Variants in KIF20B observed in about 807,000 individuals in gnomAD.
KIF20B encodes the protein kinesin-like protein KIF20B.
Under a neutral mutation model 232.5 loss-of-function variants are expected in KIF20B, and 188 were observed. The observed-to-expected ratio is 0.81, with a 90% CI of 0.72 to 0.91. The LOEUF (loss-of-function observed/expected upper bound fraction) is 0.91. Among genes scored for constraint, KIF20B ranks in the 40% least tolerant of loss-of-function variants. KIF20B has a pLI of 0.00. For synonymous variants in KIF20B, 712 were observed against 683.0 expected, an observed-to-expected ratio of 1.04 and a Z score of -0.66; for missense variants, 2,154 against 2,055.9, an observed-to-expected ratio of 1.05 and a Z score of -0.92.
intron 26 of KIF20B, 106 bp from the exon 27 acceptor site, chr10:89,758,600 C>A: frequency 1.5e-6 from 1 of 655,724 alleles, no homozygotes; most frequent in Non-Finnish European, 2.3e-6. Flanking sequence ...GTCTTGTAAT[C>A]TTGTTTGCAG....
At chr10:89,718,469 C>T (rs904562574) in intron 11 of KIF20B, among the ~76,000 whole-genome samples, 1 of 152,174 alleles carries the variant, frequency 6.6e-6, no homozygotes, top group Non-Finnish European at 1.5e-5. Flanking sequence ...TCTGATTGTG[C>T]CACTGTACTC....
At chr10:89,717,347 G>T in intron 9 of KIF20B, 77 bp from the exon 10 acceptor site, 1 of 884,366 alleles carries the variant, frequency 1.1e-6, no homozygotes, top group South Asian at 1.6e-5. Flanking sequence ...AAATAAGATT[G>T]ATTTGAATAC....
chr10:89,747,557 T>G (rs1841940073), intron 23 of KIF20B, among the ~76,000 whole-genome samples: 1 of 150,654 alleles, frequency 6.6e-6, no homozygotes, highest in African/African-American at 2.4e-5. Context: ...TACACAGCCA[T>G]AAAAAATGAT....
In KIF20B at chr10:89,730,012, T is replaced by C. The variant is rs115291264; in HGVS notation, c.2391+765T>C. Among the ~76,000 whole-genome samples, 456 of 152,268 alleles carry C rather than the reference T, an allele frequency of 3.0e-3. 3 individuals are homozygous for C. The highest frequency in any genetic ancestry group is 0.01 in the African/African-American group (427 of 41,554). On this transcript the variant is annotated intron_variant, in intron 18 of 32. Coordinates refer to ENST00000371728, the MANE Select transcript of KIF20B (RefSeq NM_001284259.2). ...CAAAAGAAGCAGGCGTGGTATCTTA[T>C]AAAAAGTGACTGTTGAGTTTCCTTT...
At chr10:89,732,242 T>G (rs908651634) in intron 18 of KIF20B, among the ~76,000 whole-genome samples, 2 of 152,126 alleles carry the variant, frequency 1.3e-5, no homozygotes, top group African/African-American at 4.8e-5. Context: ...TCCCATTGCC[T>G]TAGCCTTCCG....
At chr10:89,702,086 ATAT>A (rs1384490106) in intron 1 of KIF20B, among the ~76,000 whole-genome samples, 3 of 152,152 alleles carry the variant, frequency 2.0e-5, no homozygotes, top group Non-Finnish European at 2.9e-5. Context: ...GCAGTTATTA[ATAT>A]TATTATTGTT....
intron 28 of KIF20B, among the ~76,000 whole-genome samples, 153 bp downstream of exon 28, chr10:89,760,789 G>T (rs943029553): frequency 6.6e-6 from 1 of 152,134 alleles, no homozygotes; most frequent in African/African-American, 2.4e-5. Context: ...TTGAGGAGAG[G>T]TGAAATTCTT....
intron 26 of KIF20B, among the ~76,000 whole-genome samples, chr10:89,755,375 T>TTTCC (rs538438563): frequency 3.3e-5 from 5 of 150,920 alleles, no homozygotes; most frequent in African/African-American, 9.7e-5. Context: ...TCCTTCCTTC[T>TTTCC]TTCCTTCCTT....
intron 18 of KIF20B, among the ~76,000 whole-genome samples, chr10:89,730,204 T>G (rs577194827): frequency 1.3e-5 from 2 of 152,292 alleles, no homozygotes; most frequent in South Asian, 4.1e-4. Flanking sequence ...ACATGATTCA[T>G]TCTCTGGTTT....
At chr10:89,755,280 C>G (rs1456637849) in intron 26 of KIF20B, among the ~76,000 whole-genome samples, 2 of 152,182 alleles carry the variant, frequency 1.3e-5, no homozygotes, top group East Asian at 3.8e-4. Context: ...TTCGCAGTAT[C>G]ATATTGTCAT....
chr10:89,718,858 G>A lies in KIF20B; in HGVS notation c.1420G>A (p.Ala474Thr), dbSNP rs1050818241. Residue 474 changes from alanine to threonine, a missense_variant, in exon 12 of 33, where the codon GCC becomes ACC. By Grantham distance (58) the Ala-to-Thr change is moderately conservative. Transcript: ENST00000371728. ...AACACTCAATGTATTGAAGTTCTCC[G>A]CCATTGCACAAAAAGTAAATATTTA... ...DETLNVLKFS[A>T]IAQKVCVPDT... 2.3e-5 allele frequency: 35 copies of A among 1,545,404 alleles called. No individual in the cohort carries two copies. Among genetic ancestry groups the A allele is most frequent in the Admixed American group, 1.7e-4 (8 of 46,598 alleles).
intron 6 of KIF20B, among the ~76,000 whole-genome samples, chr10:89,712,793 A>G (rs1188368854): frequency 6.6e-6 from 1 of 152,172 alleles, no homozygotes; most frequent in African/African-American, 2.4e-5. Context: ...ATTTTGTAGT[A>G]TATTTTCAGA....
intron 1 of KIF20B, among the ~76,000 whole-genome samples, chr10:89,703,382 G>A (rs1415751581): frequency 6.6e-6 from 1 of 152,190 alleles, no homozygotes; most frequent in African/African-American, 2.4e-5. Flanking sequence ...CAAGGATTTT[G>A]ACAGGATTGT....
At chr10:89,702,749 G>A (rs1842638038) in intron 1 of KIF20B, among the ~76,000 whole-genome samples, 1 of 135,606 alleles carries the variant, frequency 7.4e-6, no homozygotes, top group Non-Finnish European at 1.5e-5. Context: ...TACAGACTAG[G>A]ACCGACTTTT....
intron 18 of KIF20B, among the ~76,000 whole-genome samples, chr10:89,731,700 A>C (rs1843323573): frequency 6.6e-6 from 1 of 152,150 alleles, no homozygotes; most frequent in Non-Finnish European, 1.5e-5. Context: ...GATAGGTACC[A>C]AGGATCGGGG....
At chr10:89,767,156 C>T (rs1224519826) in intron 29 of KIF20B, among the ~76,000 whole-genome samples, 1 of 149,128 alleles carries the variant, frequency 6.7e-6, no homozygotes, top group Non-Finnish European at 1.5e-5. Context: ...TTATGCAATC[C>T]TATTTTCTTT....
At chr10:89,728,019 G>T in intron 17 of KIF20B, 123 bp downstream of exon 17, 1 of 786,582 alleles carries the variant, frequency 1.3e-6, no homozygotes, top group Non-Finnish European at 1.8e-6. Context: ...TGGTATGCAT[G>T]GGGGATTGGT....
At chr10:89,743,760 T>G in intron 21 of KIF20B, 48 bp from the exon 22 acceptor site, 1 of 1,214,728 alleles carries the variant, frequency 8.2e-7, no homozygotes, top group East Asian at 2.7e-5. Context: ...CAAAAAGCAG[T>G]TAGTATTTTT....
At chr10:89,731,276 C>G (rs1338038934) in intron 18 of KIF20B, among the ~76,000 whole-genome samples, 3 of 152,014 alleles carry the variant, frequency 2.0e-5, no homozygotes, top group Non-Finnish European at 4.4e-5. Flanking sequence ...TGTTTGCATA[C>G]CATAATATAT....
Sources: allele counts gnomAD v4.1 joint callset (sites outside exome capture counted in the v4.1 genomes callset), GRCh38; gene constraint gnomAD v4.1.1; transcripts MANE v1.5; gene names NCBI Gene and HGNC (gene_info 2026-07-23, HGNC 2026-07-21).